The following CBLIF variants were observed in gnomAD, a reference collection of about 807,000 sequenced individuals.
The protein encoded by CBLIF is gastric intrinsic factor (vitamin B synthesis).
A neutral mutation model predicts 44.9 loss-of-function variants in CBLIF; 24 were observed. The ratio of observed to expected loss-of-function variants is 0.53; its 90% CI spans 0.39 to 0.75. The LOEUF is 0.75. Ranked by LOEUF, CBLIF falls within the 30% of genes least tolerant of loss-of-function variation. The pLI is 0.00. For synonymous variants in CBLIF, 183 were observed against 190.9 expected (o/e 0.96, Z 0.34); for missense variants, 481 against 513.0 (o/e 0.94, Z 0.60).
chr11:59,835,782 T>C, intron 7 of CBLIF, 26 bp downstream of exon 7: 4 of 1,539,510 alleles, frequency 2.6e-6, no homozygotes, highest in Non-Finnish European at 3.6e-6. Flanking sequence ...CTTGAGAGAA[T>C]GATGAATGAC....
chr11:59,841,362 C>G, intron 4 of CBLIF, 38 bp from the exon 5 acceptor site: 1 of 1,396,084 alleles, frequency 7.2e-7, no homozygotes, highest in East Asian at 2.3e-5. Flanking sequence ...CCATAGTCAC[C>G]ATCACAGCAA....
At chr11:59,836,127 T>C (rs1866453936) in intron 6 of CBLIF, 118 bp from the exon 7 acceptor site, 1 of 825,724 alleles carries the variant, frequency 1.2e-6, no homozygotes, top group South Asian at 1.4e-5. Flanking sequence ...GTGAGTTTCA[T>C]ACCATTTAAC....
intron 7 of CBLIF, among the ~76,000 whole-genome samples, chr11:59,834,299 TC>T (rs1478523130): frequency 2.6e-4 from 30 of 115,094 alleles, no homozygotes; most frequent in African/African-American, 8.1e-4. Flanking sequence ...TTTCTTTCTT[TC>T]TTTCTTTCTT....
Position 59,843,976 on chromosome 11 carries a change from TG to T in CBLIF, c.158del (p.Pro53GlnfsTer6), listed in dbSNP as rs1866573394. 1 of 1,613,458 alleles carries T rather than the reference TG, an allele frequency of 6.2e-7. No individual in the cohort carries two copies. Among genetic ancestry groups the T allele is most frequent in the African/African-American group, 1.3e-5 (1 of 74,890 alleles). On this transcript the variant is annotated frameshift_variant, in exon 2 of 9. Coordinates refer to ENST00000257248, the MANE Select transcript of CBLIF (RefSeq NM_005142.3). LOFTEE classifies it high-confidence loss of function. ...TCATGGCAATCAGGATGCTGGGGTTTGGGTAGGCTGATGAAGTCACCGAGTT... is the reference window on the plus strand; with the variant it reads ...TCATGGCAATCAGGATGCTGGGGTTTGGTAGGCTGATGAAGTCACCGAGTT... ...MENSVTSSAY[P>X]NPSILIAMNL...
At position 59,840,542 on chromosome 11, in the gene CBLIF, T is replaced by C. The variant is rs1028807302; in HGVS notation, c.693+601A>G. Reference sequence around the variant, plus strand: ...GGAACTATGAATACCAAACACATCTTACAGAATCCAAGCCTGGGAATGCAT... The same window carrying C: ...GGAACTATGAATACCAAACACATCTCACAGAATCCAAGCCTGGGAATGCAT... On this transcript the variant is annotated intron_variant, in intron 5 of 8. Coordinates refer to ENST00000257248, the MANE Select transcript of CBLIF (RefSeq NM_005142.3). 2.6e-4 allele frequency among the ~76,000 whole-genome samples: 40 copies of C among 152,318 alleles called. No individual in the cohort carries two copies. The East Asian group carries it at 3.5e-3, about 13-fold the overall frequency.
intron 8 of CBLIF, among the ~76,000 whole-genome samples, chr11:59,830,394 G>A (rs1442790094): frequency 6.6e-6 from 1 of 151,846 alleles, no homozygotes; most frequent in Admixed American, 6.6e-5. Flanking sequence ...CCGCCACCAC[G>A]CCTGACTAAT....
rs747154594 is a variant in CBLIF at position 59,836,026 on chromosome 11, G to A, written c.872-17C>T. 6.2e-7 allele frequency: 1 copy of A among 1,603,436 alleles called. No individual in the cohort carries two copies. The highest frequency in any genetic ancestry group is 8.5e-7 in the Non-Finnish European group (1 of 1,170,132). On this transcript the variant is annotated splice_polypyrimidine_tract_variant and intron_variant, in intron 6 of 8. Coordinates refer to ENST00000257248, the MANE Select transcript of CBLIF (RefSeq NM_005142.3). Reference sequence around the variant, plus strand: ...CCTCATGATCTGTGAAGGGCAAAGAGGCCACATTTGTCAAAGATTATGGGG... The same window carrying A: ...CCTCATGATCTGTGAAGGGCAAAGAAGCCACATTTGTCAAAGATTATGGGG...
chr11:59,831,919 C>CT, intron 7 of CBLIF, 123 bp from the exon 8 acceptor site: 1 of 682,824 alleles, frequency 1.5e-6, no homozygotes, highest in Non-Finnish European at 2.7e-6. Context: ...CAAGGTGTGA[C>CT]TTTGTTACCC....
In CBLIF at chr11:59,845,421, A is replaced by G. The variant is rs760660963; in HGVS notation, c.33T>C (p.Leu11=). MAWFALYLLS[L]LWATAGTSTQ... The stretch of plus-strand genomic sequence containing the variant: ...TACTAGTCCCAGCTGTAGCCCAGAG[A>G]AGGCTCAGGAGGTAGAGGGCAAACC... Residue 11 remains leucine (L), a synonymous_variant, in exon 1 of 9, where the codon CTT becomes CTC. Transcript: ENST00000257248. 6.2e-7 allele frequency: 1 copy of G among 1,612,838 alleles called. No individual in the cohort carries two copies. The highest frequency in any genetic ancestry group is 8.5e-7 in the Non-Finnish European group (1 of 1,178,918).
chr11:59,839,704 C>G (rs994498678), intron 5 of CBLIF, among the ~76,000 whole-genome samples: 11 of 152,116 alleles, frequency 7.2e-5, no homozygotes, highest in Non-Finnish European at 2.9e-5. Flanking sequence ...TCCACATGGC[C>G]TGTGGTATTT....
At position 59,844,029 on chromosome 11, in the gene CBLIF, C is replaced by G. The variant is rs751628349; in HGVS notation, c.106G>C (p.Val36Leu). Reference protein sequence around the residue: ...CSVPSAQEPLVNGIQVLMENS... With the variant: ...CSVPSAQEPLLNGIQVLMENS... ...TCCATGAGTACTTGTATTCCATTGACCAAGGGCTCCTGTGCTGAGGGAACG... is the reference window on the plus strand; with the variant it reads ...TCCATGAGTACTTGTATTCCATTGAGCAAGGGCTCCTGTGCTGAGGGAACG... The change falls in exon 2 of 9, where the codon GTC becomes CTC. Residue 36 changes from valine to leucine, a missense_variant. Transcript: ENST00000257248. 6.2e-7 allele frequency: 1 copy of G among 1,613,822 alleles called. No homozygotes were observed. The highest frequency in any genetic ancestry group is 1.3e-5 in the African/African-American group (1 of 74,894).
At chr11:59,834,337 T>TTCCC (rs1555012193) in intron 7 of CBLIF, among the ~76,000 whole-genome samples, 2 of 146,312 alleles carry the variant, frequency 1.4e-5, no homozygotes, top group African/African-American at 5.1e-5. Flanking sequence ...CCTTCCTTCC[T>TTCCC]TTTTCTTTCT....
chr11:59,841,338 A>G lies in CBLIF; in HGVS notation c.512-14T>C. 1 of 1,590,612 alleles carries G rather than the reference A, an allele frequency of 6.3e-7. No individual in the cohort carries two copies. Among genetic ancestry groups the G allele is most frequent in the Non-Finnish European group, 8.6e-7 (1 of 1,158,672 alleles). ...TTGCTCCTGTGTCTGTGAATGACAG[A>G]GGGTATAAGATCACCATAGTCACCA... is the stretch of plus-strand genomic sequence containing the variant. On this transcript the variant is annotated splice_polypyrimidine_tract_variant and intron_variant, in intron 4 of 8. Transcript: ENST00000257248.
In CBLIF at chr11:59,845,268, G is replaced by C. The variant is rs1565210841; in HGVS notation, c.79+107C>G. The C allele has an allele frequency of 1.9e-6, 3 of 1,544,122 alleles. No individual in the cohort carries two copies. The Admixed American group carries it at 5.1e-5, about 26-fold the overall frequency. ...AATCACACTCAGACTTACCCATTTTGGAATTCCTATAGTGATTGCTATTTT... is the reference window on the plus strand; with the variant it reads ...AATCACACTCAGACTTACCCATTTTCGAATTCCTATAGTGATTGCTATTTT... On this transcript the variant is annotated intron_variant, in intron 1 of 8. Transcript: ENST00000257248.
chr11:59,829,526 G>A lies in CBLIF; in HGVS notation c.1212C>T (p.Pro404=). 6.2e-7 allele frequency: 1 copy of A among 1,610,682 alleles called. No homozygotes were observed. The highest frequency in any genetic ancestry group is 8.5e-7 in the Non-Finnish European group (1 of 1,176,878). ...TGGCTGTGATGTGCTCGTGGTTGAAGGGTATGTAGTCAGCAACCCCTGGAA... is the reference window on the plus strand; with the variant it reads ...TGGCTGTGATGTGCTCGTGGTTGAAAGGTATGTAGTCAGCAACCCCTGGAA... ...PLNEGVADYI[P]FNHEHITANF... Residue 404 remains proline, a synonymous_variant, in exon 9 of 9, where the codon CCC becomes CCT. Transcript: ENST00000257248.
intron 7 of CBLIF, among the ~76,000 whole-genome samples, chr11:59,834,240 T>TTCTCTTTCTTTC (rs1424638091): frequency 6.1e-5 from 7 of 115,152 alleles, no homozygotes; most frequent in Non-Finnish European, 5.4e-5. Context: ...CTTTCTTTCT[T>TTCTCTTTCTTTC]TTTCTTTCTT....
rs150857406 is a variant in CBLIF, at chr11:59,829,508, G to A, written c.1230C>T (p.Ile410=). The A allele has an allele frequency of 1.1e-4, 180 of 1,610,980 alleles. 2 individuals carry two copies. The highest frequency in any genetic ancestry group is 8.5e-4 in the South Asian group (77 of 91,024). Residue 410 remains isoleucine, a synonymous_variant, in exon 9 of 9, where the codon ATC becomes ATT. Coordinates refer to ENST00000257248, the MANE Select transcript of CBLIF (RefSeq NM_005142.3). ...GTTAGTACTGTGTGAAATTGGCTGT[G>A]ATGTGCTCGTGGTTGAAGGGTATGT... is the stretch of plus-strand genomic sequence containing the variant. ...ADYIPFNHEH[I]TANFTQY
intron 7 of CBLIF, among the ~76,000 whole-genome samples, chr11:59,834,640 G>A (rs765589631): frequency 7.2e-5 from 11 of 151,844 alleles, no homozygotes; most frequent in Admixed American, 3.9e-4. Flanking sequence ...TGATCCACCC[G>A]CCTCAGCTTC....
intron 5 of CBLIF, among the ~76,000 whole-genome samples, chr11:59,838,204 G>A (rs962977447): frequency 2.6e-5 from 4 of 152,212 alleles, no homozygotes; most frequent in African/African-American, 9.6e-5. Flanking sequence ...TCTGTTACTT[G>A]CAAAATGAGT....
Sources: gnomAD v4.1 joint callset for allele counts (sites outside exome capture counted in the v4.1 genomes callset) on GRCh38, gnomAD v4.1.1 for gene constraint, MANE v1.5 for transcripts, NCBI Gene and HGNC (gene_info 2026-07-23, HGNC 2026-07-21) for gene names.